Variants in KCNIP4 observed in about 807,000 individuals in gnomAD.
KCNIP4 encodes potassium voltage-gated channel interacting protein 4.
KCNIP4 carries 12 observed loss-of-function variants against 34.0 expected under a neutral mutation model. That is an observed-to-expected ratio of 0.35 (90% CI 0.23 to 0.57). KCNIP4 has a LOEUF of 0.57. Among genes scored for constraint, KCNIP4 ranks in the 20% least tolerant of loss-of-function variants. The pLI is 0.83. For synonymous variants in KCNIP4, 124 were observed against 102.2 expected (o/e 1.21, Z -1.29); for missense variants, 238 against 311.7 (o/e 0.76, Z 1.78).
At chr4:20,893,587 T>G (rs760153572) in intron 1 of KCNIP4, among the ~76,000 whole-genome samples, 12 of 149,274 alleles carry the variant, frequency 8.0e-5, no homozygotes, top group Non-Finnish European at 1.6e-4. Flanking sequence ...CATGCCCCAG[T>G]ATTTTTTTTT....
At chr4:21,325,289 G>A (rs1714922908) in intron 1 of KCNIP4, among the ~76,000 whole-genome samples, 1 of 151,550 alleles carries the variant, frequency 6.6e-6, no homozygotes, top group African/African-American at 2.4e-5. Flanking sequence ...CTTGTAATTG[G>A]CCTGCTAAGG....
intron 1 of KCNIP4, among the ~76,000 whole-genome samples, chr4:21,607,099 G>T (rs1743758636): frequency 6.6e-6 from 1 of 151,818 alleles, no homozygotes; most frequent in Non-Finnish European, 1.5e-5. Context: ...CCACCTTGGG[G>T]TGCTTTCATT....
intron 1 of KCNIP4, among the ~76,000 whole-genome samples, chr4:21,304,774 T>C (rs1712250456): frequency 6.6e-6 from 1 of 152,200 alleles, no homozygotes; most frequent in Admixed American, 6.5e-5. Flanking sequence ...GTAACTATCA[T>C]ATCTTTTTGA....
At chr4:21,695,418 G>A (rs2109053205) in intron 1 of KCNIP4, among the ~76,000 whole-genome samples, 1 of 147,790 alleles carries the variant, frequency 6.8e-6, no homozygotes, top group Non-Finnish European at 1.5e-5. Flanking sequence ...GTTCAAAGAT[G>A]CTGTGCTTCT....
chr4:21,509,676 C>A (rs1396025903), intron 1 of KCNIP4, among the ~76,000 whole-genome samples: 1 of 152,172 alleles, frequency 6.6e-6, no homozygotes, highest in Non-Finnish European at 1.5e-5. Flanking sequence ...CATAGCATAT[C>A]CCTATCTTTA....
At chr4:21,327,899 C>T (rs1286296117) in intron 1 of KCNIP4, among the ~76,000 whole-genome samples, 1 of 151,802 alleles carries the variant, frequency 6.6e-6, no homozygotes, top group Non-Finnish European at 1.5e-5. Context: ...CTGCTTGATT[C>T]TAGTTAATTA....
chr4:21,365,533 G>T (rs139834383), intron 1 of KCNIP4, among the ~76,000 whole-genome samples: 75 of 31,538 alleles, frequency 2.4e-3, no homozygotes, highest in South Asian at 0.015. Flanking sequence ...AAAAAATAAA[G>T]AAAGAAAAGA....
rs143807565 is a variant in KCNIP4 at position 21,206,080 on chromosome 4, A to G, written c.62-323371T>C. 3.0e-3 allele frequency among the ~76,000 whole-genome samples: 452 copies of G among 152,290 alleles called. 4 individuals carry two copies. The highest frequency in any genetic ancestry group is 9.3e-3 in the African/African-American group (388 of 41,558). On this transcript the variant is annotated intron_variant, in intron 1 of 8. Transcript: ENST00000382152. ...ATCCTGTGGCTTTAATTAAATGTTA[A>G]CATTCATTTGCCCTTTTCCATTGTG...
At chr4:21,677,913 C>A (rs1750034052) in intron 1 of KCNIP4, among the ~76,000 whole-genome samples, 1 of 152,162 alleles carries the variant, frequency 6.6e-6, no homozygotes, top group African/African-American at 2.4e-5. Context: ...CCACACCTGG[C>A]TAATTATTTT....
intron 1 of KCNIP4, among the ~76,000 whole-genome samples, chr4:20,970,749 A>G (rs540983145): frequency 3.9e-5 from 6 of 152,200 alleles, no homozygotes; most frequent in Non-Finnish European, 1.5e-5. Context: ...AATTATTAAT[A>G]TATTAATTCA....
At chr4:21,405,277 C>A (rs77644626) in intron 1 of KCNIP4, among the ~76,000 whole-genome samples, 6,567 of 152,228 alleles carry the variant, frequency 0.043, 204 homozygotes, top group Non-Finnish European at 0.067. Context: ...CTCTCTCCCC[C>A]ACTGCAAAAA....
intron 1 of KCNIP4, among the ~76,000 whole-genome samples, chr4:21,488,250 C>T (rs2109852484): frequency 6.6e-6 from 1 of 152,244 alleles, no homozygotes. Context: ...CTTTGCTTAT[C>T]CATAACCTCC....
intron 1 of KCNIP4, among the ~76,000 whole-genome samples, chr4:21,416,923 G>A (rs1724997540): frequency 6.6e-6 from 1 of 152,134 alleles, no homozygotes; most frequent in South Asian, 2.1e-4. Flanking sequence ...GAAATGAGTA[G>A]GGTCAAAGTC....
intron 1 of KCNIP4, among the ~76,000 whole-genome samples, chr4:21,343,105 C>T (rs1169282603): frequency 6.6e-6 from 1 of 151,946 alleles, no homozygotes; most frequent in Non-Finnish European, 1.5e-5. Context: ...AAGATGGACC[C>T]AATTATAGCA....
chr4:21,623,698 T>A (rs1342076452), intron 1 of KCNIP4, among the ~76,000 whole-genome samples: 1 of 152,052 alleles, frequency 6.6e-6, no homozygotes, highest in Non-Finnish European at 1.5e-5. Flanking sequence ...TTACCAATAG[T>A]TCTTTCTTGT....
chr4:21,630,248 C>T (rs1222155736), intron 1 of KCNIP4, among the ~76,000 whole-genome samples: 2 of 151,672 alleles, frequency 1.3e-5, no homozygotes, highest in African/African-American at 2.4e-5. Flanking sequence ...GGGTGGATCA[C>T]GAGGTCAAGA....
chr4:21,093,155 A>G (rs1747150118), intron 1 of KCNIP4, among the ~76,000 whole-genome samples: 1 of 152,212 alleles, frequency 6.6e-6, no homozygotes. Context: ...TGAGCAGGCA[A>G]CATTGTTTAG....
At chr4:21,193,588 T>TTTTTC (rs1393086989) in intron 1 of KCNIP4, among the ~76,000 whole-genome samples, 1 of 149,962 alleles carries the variant, frequency 6.7e-6, no homozygotes, top group Admixed American at 6.6e-5. Flanking sequence ...TTTTTTTTTT[T>TTTTTC]TTTGAGACGG....
At chr4:21,377,253 C>T (rs28520752) in intron 1 of KCNIP4, among the ~76,000 whole-genome samples, 1 of 151,870 alleles carries the variant, frequency 6.6e-6, no homozygotes, top group African/African-American at 2.4e-5. Flanking sequence ...CCATGGTAAC[C>T]CTGCTAGGGA....
Sources: gnomAD v4.1 joint callset for allele counts (sites outside exome capture counted in the v4.1 genomes callset) on GRCh38, gnomAD v4.1.1 for gene constraint, MANE v1.5 for transcripts, NCBI Gene and HGNC (gene_info 2026-07-23, HGNC 2026-07-21) for gene names.